The following AP3B1 variants were observed in gnomAD, a reference collection of about 807,000 sequenced individuals.
AP3B1 encodes the protein adaptor related protein complex 3 subunit beta 1, also known as AP-3 complex subunit beta-1.
AP3B1 carries 61 observed loss-of-function variants against 132.5 expected under a neutral mutation model. That is an observed-to-expected ratio of 0.46 (90% CI 0.37 to 0.57). AP3B1 has a LOEUF of 0.57. Among genes scored for constraint, AP3B1 ranks in the 20% least tolerant of loss-of-function variants. AP3B1 has a pLI of 0.00. For synonymous variants in AP3B1, 388 were observed against 438.3 expected (o/e 0.89, Z 1.43); for missense variants, 1,120 against 1,289.4 (o/e 0.87, Z 2.01).
intron 7 of AP3B1, among the ~76,000 whole-genome samples, chr5:78,189,814 G>C (rs1167637790): frequency 6.6e-6 from 1 of 150,972 alleles, no homozygotes; most frequent in Non-Finnish European, 1.5e-5. Flanking sequence ...AGGTTGCAGT[G>C]AGCCAAGATC....
intron 11 of AP3B1, among the ~76,000 whole-genome samples, chr5:78,169,940 T>C (rs1031423597): frequency 1.2e-4 from 18 of 152,102 alleles, no homozygotes; most frequent in African/African-American, 4.1e-4. Context: ...CGGTGTGTGA[T>C]GTTCCCGGCC....
At position 78,146,011 on chromosome 5, in the gene AP3B1, A is replaced by G. The variant is rs1391944812; in HGVS notation, c.1474-4692T>C. On this transcript the variant is annotated intron_variant, in intron 14 of 26. Coordinates refer to ENST00000255194, the MANE Select transcript of AP3B1 (RefSeq NM_003664.5). ...TTTCCTAAAATTGCAGTGTTTTAGA[A>G]TGACACTCCTGGGTTTGATGGTGAA... Among the ~76,000 whole-genome samples the G allele has an allele frequency of 3.3e-5, 5 of 152,208 alleles. No individual in the cohort carries two copies. The South Asian group carries it at 1.0e-3, about 32-fold the overall frequency.
At chr5:78,248,939 C>T (rs147652546) in intron 2 of AP3B1, among the ~76,000 whole-genome samples, 2 of 152,242 alleles carry the variant, frequency 1.3e-5, no homozygotes, top group East Asian at 3.9e-4. Context: ...CCTCTATGTA[C>T]CATTTTTTCC....
At chr5:78,249,921 T>G (rs182506225) in intron 2 of AP3B1, among the ~76,000 whole-genome samples, 1 of 152,306 alleles carries the variant, frequency 6.6e-6, no homozygotes, top group African/African-American at 2.4e-5. Flanking sequence ...AACTTCTGGC[T>G]CTTTCTTCTG....
At chr5:78,233,159 T>C (rs1179358259) in intron 3 of AP3B1, among the ~76,000 whole-genome samples, 1 of 152,150 alleles carries the variant, frequency 6.6e-6, no homozygotes, top group Admixed American at 6.5e-5. Context: ...TCTGGGATCA[T>C]GCATCATATT....
intron 14 of AP3B1, among the ~76,000 whole-genome samples, chr5:78,154,406 T>C (rs1358792601): frequency 1.3e-5 from 2 of 152,174 alleles, no homozygotes; most frequent in African/African-American, 4.8e-5. Context: ...GGAGTCTGAT[T>C]ATTAAATGTC....
chr5:78,202,973 T>C (rs1240181327), intron 7 of AP3B1, among the ~76,000 whole-genome samples: 1 of 152,228 alleles, frequency 6.6e-6, no homozygotes, highest in African/African-American at 2.4e-5. Context: ...GATTTCTCCA[T>C]TTTTGAAGGA....
At position 78,128,124 on chromosome 5, in the gene AP3B1, G is replaced by C; in HGVS notation, c.1874C>G (p.Thr625Ser). ...GTACCCAGTAGCTTTAATGTTGAGAGTATGAGATAAGGTGCCAAGCTGGAA... is the reference window on the plus strand; with the variant it reads ...GTACCCAGTAGCTTTAATGTTGAGACTATGAGATAAGGTGCCAAGCTGGAA... ...DHFQLGTLSHTLNIKATGYLE... is the reference protein window; with the variant it reads ...DHFQLGTLSHSLNIKATGYLE... Residue 625 changes from threonine (T) to serine (S), a missense_variant, in exon 17 of 27, where the codon ACT (threonine) becomes AGT (serine). Physicochemically the swap from Thr to Ser is moderately conservative, Grantham distance 58. Transcript: ENST00000255194. 4 of 1,612,078 alleles carry C rather than the reference G, an allele frequency of 2.5e-6. No individual in the cohort carries two copies. The highest frequency in any genetic ancestry group is 3.4e-6 in the Non-Finnish European group (4 of 1,178,398).
chr5:78,189,578 A>G (rs1234038105), intron 7 of AP3B1, among the ~76,000 whole-genome samples: 3 of 152,136 alleles, frequency 2.0e-5, no homozygotes, highest in African/African-American at 7.2e-5. Context: ...ACAGTTTTAA[A>G]AAATTATGCG....
At chr5:78,187,099 A>G (rs1384440578) in intron 7 of AP3B1, among the ~76,000 whole-genome samples, 1 of 152,164 alleles carries the variant, frequency 6.6e-6, no homozygotes, top group African/African-American at 2.4e-5. Context: ...AAACAAACAC[A>G]CTACTTGTCT....
At chr5:78,097,799 C>G (rs1043681643) in intron 21 of AP3B1, among the ~76,000 whole-genome samples, 1 of 152,140 alleles carries the variant, frequency 6.6e-6, no homozygotes, top group Non-Finnish European at 1.5e-5. Context: ...TCATTGAGAA[C>G]GGGCCATGAT....
chr5:78,113,775 C>T lies in AP3B1; in HGVS notation c.2226G>A (p.Arg742=). The T allele has an allele frequency of 6.2e-7, 1 of 1,613,946 alleles. No individual in the cohort carries two copies. Among genetic ancestry groups the T allele is most frequent in the Non-Finnish European group, 8.5e-7 (1 of 1,179,996 alleles). ...SGLENKRTAK[R]NSKAKGKSDS... ...ACCTTTTTCCTTTGGCTTTTGAGTT[C>T]CTCTTGGCTGTTCTTTTGTTTTCTA... is the stretch of plus-strand genomic sequence containing the variant. The change falls in exon 19 of 27, where the codon AGG becomes AGA. Residue 742 remains arginine, a synonymous_variant. Coordinates refer to ENST00000255194, the MANE Select transcript of AP3B1 (RefSeq NM_003664.5).
At chr5:78,260,035 A>T (rs1046178542) in intron 2 of AP3B1, among the ~76,000 whole-genome samples, 15 of 152,040 alleles carry the variant, frequency 9.9e-5, no homozygotes, top group African/African-American at 3.4e-4. Flanking sequence ...AATGTTTTTT[A>T]AAAAAGCAAT....
At chr5:78,248,032 T>C (rs1747449538) in intron 2 of AP3B1, among the ~76,000 whole-genome samples, 1 of 152,216 alleles carries the variant, frequency 6.6e-6, no homozygotes, top group African/African-American at 2.4e-5. Context: ...GCATAATCTA[T>C]AGCAATAGCG....
At position 78,153,476 on chromosome 5, in the gene AP3B1, G is replaced by T. The variant is rs1388943469; in HGVS notation, c.1473+2782C>A. Among the ~76,000 whole-genome samples the T allele has an allele frequency of 4.0e-5, 6 of 151,844 alleles. No homozygotes were observed. In the East Asian group the frequency reaches 1.2e-3, roughly 29 times the overall value. On this transcript the variant is annotated intron_variant, in intron 14 of 26. Transcript: ENST00000255194. ...TGAAGTGTGCTTCTTGTAGGCACCAGATCATTAGGTCTTGATTTTTTATAC... is the reference window on the plus strand; with the variant it reads ...TGAAGTGTGCTTCTTGTAGGCACCATATCATTAGGTCTTGATTTTTTATAC...
intron 7 of AP3B1, among the ~76,000 whole-genome samples, chr5:78,185,207 A>G (rs1336269573): frequency 2.0e-5 from 3 of 152,210 alleles, no homozygotes; most frequent in Non-Finnish European, 4.4e-5. Flanking sequence ...TCCTGAAAGA[A>G]TGGCTAAAGG....
At chr5:78,217,003 A>G (rs1228604120) in intron 6 of AP3B1, among the ~76,000 whole-genome samples, 2 of 152,148 alleles carry the variant, frequency 1.3e-5, no homozygotes, top group East Asian at 3.8e-4. Flanking sequence ...CAGAATATAT[A>G]TTATACAAAT....
chr5:78,201,299 T>G (rs891926646), intron 7 of AP3B1, among the ~76,000 whole-genome samples: 1 of 152,186 alleles, frequency 6.6e-6, no homozygotes, highest in Non-Finnish European at 1.5e-5. Context: ...TAATTCTATA[T>G]CTAGGTATTG....
chr5:78,110,769 T>G (rs968838954), intron 19 of AP3B1, among the ~76,000 whole-genome samples: 1 of 147,806 alleles, frequency 6.8e-6, no homozygotes, highest in African/African-American at 2.4e-5. Context: ...TATTCATGTA[T>G]ATATACGTAT....
Sources: allele counts gnomAD v4.1 joint callset (sites outside exome capture counted in the v4.1 genomes callset), GRCh38; gene constraint gnomAD v4.1.1; transcripts MANE v1.5; gene names NCBI Gene and HGNC (gene_info 2026-07-23, HGNC 2026-07-21).